Variants in CDH12 observed in about 807,000 individuals in gnomAD.
CDH12 encodes cadherin 12, also known as cadherin-12.
In CDH12, 41 loss-of-function variants were observed where a neutral mutation model predicts 74.1. That is an observed-to-expected ratio of 0.55 (90% CI 0.43 to 0.72). The LOEUF is 0.72. Ranked by LOEUF, CDH12 falls within the 30% of genes least tolerant of loss-of-function variation. CDH12 has a pLI of 0.00. For synonymous variants in CDH12, 399 were observed against 355.0 expected, an observed-to-expected ratio of 1.12 and a Z score of -1.39; for missense variants, 945 against 977.2, an observed-to-expected ratio of 0.97 and a Z score of 0.44.
At chr5:22,220,658 A>G (rs989549723) in intron 3 of CDH12, among the ~76,000 whole-genome samples, 4 of 151,522 alleles carry the variant, frequency 2.6e-5, no homozygotes, top group Admixed American at 2.6e-4. Flanking sequence ...CTTTGTATAT[A>G]TGTTTATATA....
chr5:22,691,906 A>T (rs1257638250), intron 1 of CDH12, among the ~76,000 whole-genome samples: 1 of 152,220 alleles, frequency 6.6e-6, no homozygotes, highest in Non-Finnish European at 1.5e-5. Context: ...AGGTAAGAGG[A>T]AAGAAATACA....
chr5:22,258,941 T>C (rs1225618879), intron 3 of CDH12, among the ~76,000 whole-genome samples: 2 of 152,180 alleles, frequency 1.3e-5, no homozygotes, highest in Non-Finnish European at 2.9e-5. Context: ...TGATTCATGA[T>C]TGTATTGTAA....
chr5:21,975,226 C>A lies in CDH12; in HGVS notation c.391G>T (p.Ala131Ser). ...GGCTTTCTGGTTTCTATGTCCACAGCCTGAGCACGAAGAGTGTAGAAAGGT... is the reference window on the plus strand; with the variant it reads ...GGCTTTCTGGTTTCTATGTCCACAGACTGAGCACGAAGAGTGTAGAAAGGT... ...EKPFYTLRAQ[A>S]VDIETRKPLE... The change falls in exon 6 of 15, where the codon GCT (alanine) becomes TCT (serine). Residue 131 changes from alanine (A) to serine (S), a missense_variant. Transcript: ENST00000382254. 2.5e-6 allele frequency: 4 copies of A among 1,597,306 alleles called. No homozygotes were observed. The highest frequency in any genetic ancestry group is 3.4e-6 in the Non-Finnish European group (4 of 1,179,638).
intron 1 of CDH12, among the ~76,000 whole-genome samples, chr5:22,756,949 A>G (rs1345719138): frequency 1.5e-5 from 2 of 132,846 alleles, no homozygotes; most frequent in African/African-American, 5.8e-5. Flanking sequence ...ACAGAGAAAG[A>G]CTCCGTCTCA....
In CDH12 at chr5:22,204,546, G is replaced by A. The variant is rs1751114919; in HGVS notation, c.-187+7952C>T. On this transcript the variant is annotated intron_variant, in intron 4 of 14. Transcript: ENST00000382254. The stretch of plus-strand genomic sequence containing the variant: ...AATACAATGTAAAATTCAGACTAGA[G>A]CAGCAATAAATCTAGCTTGCCCTTC... 2.0e-5 allele frequency among the ~76,000 whole-genome samples: 3 copies of A among 152,182 alleles called. No individual in the cohort carries two copies. In the South Asian group the frequency reaches 6.2e-4, roughly 31 times the overall value.
At chr5:22,611,265 C>T (rs929889131) in intron 1 of CDH12, among the ~76,000 whole-genome samples, 6 of 152,170 alleles carry the variant, frequency 3.9e-5, no homozygotes, top group African/African-American at 7.2e-5. Flanking sequence ...TCTTTCTACA[C>T]TTAAACTTCA....
intron 4 of CDH12, among the ~76,000 whole-genome samples, chr5:22,119,345 C>T (rs780104951): frequency 4.5e-5 from 6 of 134,332 alleles, no homozygotes; most frequent in Non-Finnish European, 7.6e-5. Flanking sequence ...GGCTGGAGTG[C>T]GGTGGCCTGA....
chr5:22,259,242 C>T (rs1482067057), intron 3 of CDH12, among the ~76,000 whole-genome samples: 6 of 151,922 alleles, frequency 3.9e-5, no homozygotes, highest in African/African-American at 1.4e-4. Flanking sequence ...CCTCAATGGT[C>T]TAAAACATAA....
Position 22,369,880 on chromosome 5 carries a change from T to C in CDH12, c.-333+35377A>G, listed in dbSNP as rs139768664. On this transcript the variant is annotated intron_variant, in intron 3 of 14. Coordinates refer to ENST00000382254, the MANE Select transcript of CDH12 (RefSeq NM_004061.5). ...TTAGAAAGAAAAATAGTGAATAAAT[T>C]AACTGAAAATTTGTGATCAATCACA... 4.3e-4 allele frequency among the ~76,000 whole-genome samples: 65 copies of C among 152,314 alleles called. 2 individuals carry two copies. The East Asian group carries it at 0.011, about 25-fold the overall frequency.
chr5:21,817,043 C>T lies in CDH12; in HGVS notation c.904G>A (p.Ala302Thr). ...RAVDPDFGQN[A>T]EIEYNIVPGD... ...GGAACAATATTGTATTCAATTTCTG[C>T]ATTTTGTCCAAAATCAGGATCCACA... The change falls in exon 9 of 15, where the codon GCA (alanine) becomes ACA (threonine). Residue 302 changes from alanine (A) to threonine (T), a missense_variant. This residue lies in a region of CDH12 where 791 missense variants were observed against 792.8 expected (regional missense o/e 1.00). Transcript: ENST00000382254. 1 of 1,612,738 alleles carries T rather than the reference C, an allele frequency of 6.2e-7. No homozygotes were observed. Among genetic ancestry groups the T allele is most frequent in the Non-Finnish European group, 8.5e-7 (1 of 1,179,098 alleles).
At chr5:22,333,302 C>G (rs1016948256) in intron 3 of CDH12, among the ~76,000 whole-genome samples, 1 of 151,800 alleles carries the variant, frequency 6.6e-6, no homozygotes, top group Non-Finnish European at 1.5e-5. Flanking sequence ...ACAACACACA[C>G]TGGGGCCTCT....
chr5:22,187,367 T>C (rs190440343), intron 4 of CDH12, among the ~76,000 whole-genome samples: 359 of 152,354 alleles, frequency 2.4e-3, no homozygotes, highest in African/African-American at 8.2e-3. Flanking sequence ...TTCTAAACCA[T>C]GCCTTTGTGT....
At chr5:22,608,192 G>A (rs1028295391) in intron 1 of CDH12, among the ~76,000 whole-genome samples, 1 of 152,170 alleles carries the variant, frequency 6.6e-6, no homozygotes, top group African/African-American at 2.4e-5. Flanking sequence ...AGGTGGTGAG[G>A]GGGGCTATTC....
chr5:22,852,079 T>C (rs1263560228), intron 1 of CDH12, among the ~76,000 whole-genome samples: 7 of 152,126 alleles, frequency 4.6e-5, no homozygotes, highest in Admixed American at 4.6e-4. Context: ...TTTGAATTTT[T>C]CCCCCTCAGT....
chr5:22,632,519 T>C (rs1335876364), intron 1 of CDH12, among the ~76,000 whole-genome samples: 1 of 152,080 alleles, frequency 6.6e-6, no homozygotes, highest in Non-Finnish European at 1.5e-5. Flanking sequence ...TTAAGAAGAA[T>C]AATAATTACA....
At chr5:22,399,190 GTATCTATC>G (rs3039455) in intron 3 of CDH12, among the ~76,000 whole-genome samples, 2,817 of 148,132 alleles carry the variant, frequency 0.019, 38 homozygotes, top group African/African-American at 0.024. Flanking sequence ...AATCTACCCA[GTATCTATC>G]TATCTATCTA....
intron 1 of CDH12, among the ~76,000 whole-genome samples, chr5:22,787,029 A>G (rs1276405120): frequency 1.3e-5 from 2 of 151,780 alleles, no homozygotes; most frequent in Non-Finnish European, 2.9e-5. Context: ...TTTGACTGTG[A>G]GCTATATTTT....
intron 5 of CDH12, among the ~76,000 whole-genome samples, chr5:21,984,634 GGTT>G (rs1338698242): frequency 9.2e-5 from 14 of 152,272 alleles, no homozygotes; most frequent in Middle Eastern, 3.4e-3. Flanking sequence ...CAGAATTACG[GGTT>G]GTTATTTTTG....
intron 1 of CDH12, among the ~76,000 whole-genome samples, chr5:22,775,694 G>A (rs939589432): frequency 1.4e-4 from 21 of 151,952 alleles, no homozygotes; most frequent in African/African-American, 5.1e-4. Flanking sequence ...GAACTGAGAT[G>A]TAAATAAAAT....
Sources: gnomAD v4.1 joint callset for allele counts (sites outside exome capture counted in the v4.1 genomes callset) on GRCh38, gnomAD v4.1.1 for gene constraint, gnomAD v4.1.1 regional missense constraint, MANE v1.5 for transcripts, NCBI Gene and HGNC (gene_info 2026-07-23, HGNC 2026-07-21) for gene names.